Variants in UNC80 observed in about 807,000 individuals in gnomAD.
The protein encoded by UNC80 is protein unc-80 homolog.
A neutral mutation model predicts 384.6 loss-of-function variants in UNC80; 164 were observed. The observed-to-expected ratio is 0.43, with a 90% CI of 0.38 to 0.49. The LOEUF (loss-of-function observed/expected upper bound fraction) is 0.49. UNC80 is among the 20% of genes least tolerant of loss of function. UNC80 has a pLI of 0.00. For synonymous variants in UNC80, 1,486 were observed against 1,527.8 expected, an observed-to-expected ratio of 0.97 and a Z score of 0.64; for missense variants, 3,330 against 4,143.0, an observed-to-expected ratio of 0.80 and a Z score of 5.39.
intron 7 of UNC80, among the ~76,000 whole-genome samples, chr2:209,798,787 C>T: frequency 6.6e-6 from 1 of 150,622 alleles, no homozygotes; most frequent in Non-Finnish European, 1.5e-5. Context: ...ACGCCATTCT[C>T]CTGCCTCAGC....
In UNC80 at chr2:209,889,103, G is replaced by T. The variant is rs576699082; in HGVS notation, c.4276+843G>T. Reference sequence around the variant, plus strand: ...GCATTGCTAAATGCACATTAAACAAGTTCCCTAACCATGGAATAGACCAGA... The same window carrying T: ...GCATTGCTAAATGCACATTAAACAATTTCCCTAACCATGGAATAGACCAGA... On this transcript the variant is annotated intron_variant, in intron 26 of 64. Coordinates refer to ENST00000673920, the MANE Select transcript of UNC80 (RefSeq NM_001371986.1). Among the ~76,000 whole-genome samples, 24 of 152,236 alleles carry T rather than the reference G, an allele frequency of 1.6e-4. No homozygotes were observed. The South Asian group carries it at 5.0e-3, about 32-fold the overall frequency.
Position 209,817,032 on chromosome 2 carries a change from C to T in UNC80, c.1459C>T (p.Pro487Ser), listed in dbSNP as rs775872790. The change falls in exon 10 of 65, where the codon CCC becomes TCC. Residue 487 changes from proline to serine, a missense_variant. Physicochemically the swap from Pro to Ser is moderately conservative, Grantham distance 74. This residue lies in a region of UNC80 where 937 missense variants were observed against 1,026.8 expected (regional missense o/e 0.91). Coordinates refer to ENST00000673920, the MANE Select transcript of UNC80 (RefSeq NM_001371986.1). ...LLHEDHLDVSPTRSTFSFGSF... is the reference protein window; with the variant it reads ...LLHEDHLDVSSTRSTFSFGSF... Reference sequence around the variant, plus strand: ...TCACGAGGACCACCTGGATGTGTCCCCCACGCGCAGCACATTCTCCTTTGG... The same window carrying T: ...TCACGAGGACCACCTGGATGTGTCCTCCACGCGCAGCACATTCTCCTTTGG... The T allele has an allele frequency of 6.4e-7, 1 of 1,551,590 alleles. No homozygotes were observed. Among genetic ancestry groups the T allele is most frequent in the Non-Finnish European group, 8.7e-7 (1 of 1,147,012 alleles).
At chr2:209,809,487 G>GA in intron 7 of UNC80, 2 of 1,300,594 alleles carry the variant, frequency 1.5e-6, no homozygotes, top group Non-Finnish European at 2.2e-6. Flanking sequence ...TGGACGTCAA[G>GA]AAGTACCAGT....
intron 51 of UNC80, among the ~76,000 whole-genome samples, chr2:209,966,320 G>A (rs1215927843): frequency 6.6e-6 from 1 of 151,782 alleles, no homozygotes; most frequent in Non-Finnish European, 1.5e-5. Context: ...TTTTTTTGAG[G>A]AAAAAAATCA....
At chr2:209,983,890 C>T (rs767589054) in intron 60 of UNC80, among the ~76,000 whole-genome samples, 20 of 151,996 alleles carry the variant, frequency 1.3e-4, no homozygotes, top group Non-Finnish European at 2.6e-4. Flanking sequence ...GGAAGACTAG[C>T]GAAGGTAATA....
intron 6 of UNC80, among the ~76,000 whole-genome samples, chr2:209,791,035 T>C (rs2077762617): frequency 6.6e-6 from 1 of 152,210 alleles, no homozygotes; most frequent in African/African-American, 2.4e-5. Flanking sequence ...ATCCTCTCGA[T>C]TTGATTTCCT....
chr2:209,849,101 G>A (rs572563899), intron 21 of UNC80, among the ~76,000 whole-genome samples: 18 of 152,212 alleles, frequency 1.2e-4, no homozygotes, highest in South Asian at 2.1e-4. Flanking sequence ...CACAGTGATT[G>A]CAACTTCCAT....
chr2:209,911,191 G>T (rs2124939719), intron 29 of UNC80, among the ~76,000 whole-genome samples: 2 of 149,642 alleles, frequency 1.3e-5, no homozygotes, highest in Non-Finnish European at 1.5e-5. Flanking sequence ...AAAACAGAGA[G>T]GTGCCAGTTT....
Position 209,967,474 on chromosome 2 carries a change from C to G in UNC80, c.7843C>G (p.Pro2615Ala). The part of the protein sequence containing the change: ...EIAHSLLKLA[P>A]YDTQTMESRG... Reference sequence around the variant, plus strand: ...TGCACACTCCCTTCTGAAGCTGGCACCATATGACACTCAGACAATGGAGAG... The same window carrying G: ...TGCACACTCCCTTCTGAAGCTGGCAGCATATGACACTCAGACAATGGAGAG... Residue 2615 changes from proline to alanine, a missense_variant, in exon 52 of 65, where the codon CCA (proline) becomes GCA (alanine). Coordinates refer to ENST00000673920, the MANE Select transcript of UNC80 (RefSeq NM_001371986.1). The G allele has an allele frequency of 1.9e-6, 3 of 1,551,428 alleles. No homozygotes were observed. The South Asian group carries it at 3.6e-5, about 18-fold the overall frequency.
In UNC80 at chr2:209,990,010, C is replaced by T. The variant is rs140904206; in HGVS notation, c.9315-2156C>T. Among the ~76,000 whole-genome samples, 753 of 152,202 alleles carry T rather than the reference C, an allele frequency of 4.9e-3. 7 individuals carry two copies. The highest frequency in any genetic ancestry group is 8.3e-3 in the Non-Finnish European group (563 of 67,984). The stretch of plus-strand genomic sequence containing the variant: ...TAATTTCATCTTTGATGGGTGCATT[C>T]CATGATGAAATGCTGTATCATTTAC... On this transcript the variant is annotated intron_variant, in intron 61 of 64. Coordinates refer to ENST00000673920, the MANE Select transcript of UNC80 (RefSeq NM_001371986.1).
intron 62 of UNC80, 115 bp downstream of exon 62, chr2:209,992,362 C>G: frequency 1.0e-6 from 1 of 975,788 alleles, no homozygotes; most frequent in Non-Finnish European, 1.5e-6. Flanking sequence ...GGAATCCCAG[C>G]TACTGGGGAG....
intron 60 of UNC80, 174 bp downstream of exon 60, chr2:209,982,491 G>A: frequency 2.5e-6 from 2 of 791,030 alleles, no homozygotes; most frequent in Non-Finnish European, 3.5e-6. Context: ...ACACTTTGCA[G>A]TTTTCTAAGC....
In UNC80 at chr2:209,839,149, G is replaced by T; in HGVS notation, c.3042-73G>T. On this transcript the variant is annotated intron_variant, in intron 18 of 64. Transcript: ENST00000673920. The surrounding 1 kb of genome is among the most constrained non-coding windows in gnomAD (Gnocchi z 4.1). ...TGATTTGCCTAAATATCATTGACAG[G>T]AAGATGAAAGAAATTTAGGAGAATT... The T allele has an allele frequency of 7.4e-7, 1 of 1,349,664 alleles. No homozygotes were observed. The highest frequency in any genetic ancestry group is 1.3e-5 in the South Asian group (1 of 75,646). The allele number at this position is 1,349,664 out of a possible 1,614,324, so 83.6% of individuals were successfully genotyped here. A position where few individuals can be genotyped will look rare whatever the true frequency, so the allele number is the denominator to read the frequency against.
intron 14 of UNC80, among the ~76,000 whole-genome samples, chr2:209,827,639 C>T (rs184354618): frequency 1.2e-3 from 190 of 152,240 alleles, no homozygotes; most frequent in African/African-American, 4.4e-3. Flanking sequence ...GTTCAGTAAA[C>T]ACATTGTCCA....
At chr2:209,889,541 G>GTGCCCC (rs1324870409) in intron 26 of UNC80, among the ~76,000 whole-genome samples, 1 of 152,018 alleles carries the variant, frequency 6.6e-6, no homozygotes, top group Non-Finnish European at 1.5e-5. Context: ...TGTGCAGAAC[G>GTGCCCC]TGCATGTTTG....
intron 38 of UNC80, among the ~76,000 whole-genome samples, chr2:209,932,683 G>A (rs2090971949): frequency 6.6e-6 from 1 of 152,164 alleles, no homozygotes; most frequent in South Asian, 2.1e-4. Context: ...CACTTGTTGA[G>A]TAAGTCTGCC....
At chr2:209,803,254 G>A (rs960837411) in intron 7 of UNC80, among the ~76,000 whole-genome samples, 4 of 152,146 alleles carry the variant, frequency 2.6e-5, no homozygotes, top group African/African-American at 7.2e-5. Context: ...AATCAAGGGC[G>A]TTTCTCCTAA....
intron 22 of UNC80, among the ~76,000 whole-genome samples, chr2:209,866,536 AG>A (rs2083839870): frequency 9.9e-6 from 1 of 100,840 alleles, no homozygotes; most frequent in African/African-American, 4.3e-5. Flanking sequence ...ACACACACAG[AG>A]AGAGAGAGAG....
At chr2:209,846,264 CTG>C (rs924776610) in intron 21 of UNC80, among the ~76,000 whole-genome samples, 2 of 152,042 alleles carry the variant, frequency 1.3e-5, no homozygotes, top group Non-Finnish European at 2.9e-5. Context: ...TAAATAAAAA[CTG>C]TATCTGGTGA....
Sources: allele counts gnomAD v4.1 joint callset (sites outside exome capture counted in the v4.1 genomes callset), GRCh38; gene constraint gnomAD v4.1.1; regional missense constraint gnomAD v4.1.1; non-coding constraint Gnocchi (gnomAD v3.1); transcripts MANE v1.5; gene names NCBI Gene and HGNC (gene_info 2026-07-23, HGNC 2026-07-21).